Variants in GPHN observed in about 807,000 individuals in gnomAD.
GPHN encodes the protein gephyrin.
GPHN carries 17 observed loss-of-function variants against 95.5 expected under a neutral mutation model. That is an observed-to-expected ratio of 0.18 (90% CI 0.12 to 0.27). The LOEUF (loss-of-function observed/expected upper bound fraction) is 0.27. Among genes scored for constraint, GPHN ranks in the 10% least tolerant of loss-of-function variants. The probability of loss-of-function intolerance (pLI) is 1.00; values close to 1 mark genes in which losing one functional copy is unlikely to be tolerated. For synonymous variants in GPHN, 320 were observed against 322.5 expected, an observed-to-expected ratio of 0.99 and a Z score of 0.08; for missense variants, 660 against 978.1, an observed-to-expected ratio of 0.67 and a Z score of 4.34.
the GPHN span, chr14:67,690,402 A>T: frequency 9.3e-6 from 15 of 1,614,170 alleles, no homozygotes; most frequent in South Asian, 1.6e-4. Flanking sequence ...CTAGCAGCAG[A>T]TGGGTTAGGA....
Position 66,898,466 on chromosome 14 carries a change from T to TAAAAAAAAA in GPHN, c.390-17520_390-17512dup, listed in dbSNP as rs59434196. 5.2e-4 allele frequency among the ~76,000 whole-genome samples: 48 copies of TAAAAAAAAA among 91,746 alleles called. 3 individuals are homozygous for TAAAAAAAAA. The East Asian group carries it at 8.1e-3, about 16-fold the overall frequency. The allele number at this position is 91,746 out of a possible 152,430, so 60.2% of individuals were successfully genotyped here. A position where few individuals can be genotyped will look rare whatever the true frequency, so the allele number is the denominator to read the frequency against. On this transcript the variant is annotated intron_variant, in intron 5 of 22. Transcript: ENST00000478722. ...ACCACTTGCTCCAGTGCTACTTGTT[T>TAAAAAAAAA]AAAAAAAAAAAAAAAAAAAAAAAAA...
Position 66,880,014 on chromosome 14 carries a change from C to T in GPHN, c.370C>T (p.Pro124Ser). 1 of 1,604,666 alleles carries T rather than the reference C, an allele frequency of 6.2e-7. No individual in the cohort carries two copies. Among genetic ancestry groups the T allele is most frequent in the Non-Finnish European group, 8.5e-7 (1 of 1,171,900 alleles). Residue 124 changes from proline (P) to serine (S), a missense_variant, in exon 5 of 23, where the codon CCT (proline) becomes TCT (serine). Physicochemically the swap from Pro to Ser is moderately conservative, Grantham distance 74. Coordinates refer to ENST00000478722, the MANE Select transcript of GPHN (RefSeq NM_020806.5). ...GCTGATGGGATCACTTAATGTTACACCTCTGGGCATGCTCTCTAGGTAAGA... is the reference window on the plus strand; with the variant it reads ...GCTGATGGGATCACTTAATGTTACATCTCTGGGCATGCTCTCTAGGTAAGA... ...AMLMGSLNVT[P>S]LGMLSRPVCG...
chr14:67,529,205 C>G, the GPHN span, among the ~76,000 whole-genome samples: 324 of 152,268 alleles, frequency 2.1e-3, 1 homozygote, highest in African/African-American at 7.5e-3. Context: ...ACGAGGAACA[C>G]CTTCCCTCCC....
At chr14:67,296,918 G>A in the GPHN span, among the ~76,000 whole-genome samples, 2 of 152,086 alleles carry the variant, frequency 1.3e-5, no homozygotes, top group Non-Finnish European at 2.9e-5. Context: ...GCCTCCCAGA[G>A]TACTGGGATT....
At chr14:67,159,542 C>A in intron 19 of GPHN, 54 bp downstream of exon 19, 3 of 963,706 alleles carry the variant, frequency 3.1e-6, no homozygotes, top group Non-Finnish European at 5.1e-6. Flanking sequence ...CTTGCTTTAA[C>A]TAACAAATTT....
intron 1 of GPHN, among the ~76,000 whole-genome samples, chr14:66,676,892 T>G (rs899124408): frequency 6.6e-6 from 1 of 152,000 alleles, no homozygotes; most frequent in African/African-American, 2.4e-5. Flanking sequence ...GCAAAATAGA[T>G]GTTCTTCTTT....
At chr14:67,016,271 A>G (rs2073306214) in intron 9 of GPHN, among the ~76,000 whole-genome samples, 1 of 152,070 alleles carries the variant, frequency 6.6e-6, no homozygotes, top group South Asian at 2.1e-4. Flanking sequence ...TAAAATATAT[A>G]ACATTAGAAA....
the GPHN span, chr14:67,615,904 G>A: frequency 1.7e-6 from 1 of 583,294 alleles, no homozygotes; most frequent in Non-Finnish European, 3.2e-6. Context: ...CAGATGACAA[G>A]CAGCCTTAAA....
the GPHN span, among the ~76,000 whole-genome samples, chr14:67,206,972 C>T: frequency 6.6e-6 from 1 of 152,062 alleles, no homozygotes; most frequent in African/African-American, 2.4e-5. Flanking sequence ...TCAAGTGATC[C>T]ACCCACCTTG....
intron 5 of GPHN, among the ~76,000 whole-genome samples, chr14:66,886,683 T>C (rs767387091): frequency 2.0e-5 from 3 of 151,728 alleles, no homozygotes; most frequent in Non-Finnish European, 4.4e-5. Flanking sequence ...AATTAACAAA[T>C]CTGAGGAACA....
At chr14:67,076,537 G>C (rs1398137476) in intron 11 of GPHN, among the ~76,000 whole-genome samples, 1 of 152,022 alleles carries the variant, frequency 6.6e-6, no homozygotes, top group Non-Finnish European at 1.5e-5. Context: ...CTTAGCCTTA[G>C]TTAATATTGT....
intron 18 of GPHN, among the ~76,000 whole-genome samples, chr14:67,154,846 A>T (rs577420786): frequency 6.6e-6 from 1 of 152,180 alleles, no homozygotes; most frequent in Non-Finnish European, 1.5e-5. Flanking sequence ...AAACTATGTA[A>T]AATTTTTTAA....
intron 8 of GPHN, among the ~76,000 whole-genome samples, chr14:66,948,586 G>A (rs2067896613): frequency 6.6e-6 from 1 of 152,194 alleles, no homozygotes; most frequent in South Asian, 2.1e-4. Flanking sequence ...CAGCAAATAT[G>A]TTAAGCATGC....
At chr14:66,980,857 C>A (rs1238373592) in intron 9 of GPHN, among the ~76,000 whole-genome samples, 1 of 152,134 alleles carries the variant, frequency 6.6e-6, no homozygotes. Flanking sequence ...TTGAGACCAG[C>A]CTGACCAACA....
the GPHN span, chr14:67,387,287 C>T: frequency 1.9e-6 from 3 of 1,581,368 alleles, no homozygotes; most frequent in Non-Finnish European, 2.6e-6. Flanking sequence ...TTGTCTGTGT[C>T]ATCTGGTAGG....
chr14:66,920,195 G>A (rs971392545), intron 6 of GPHN, among the ~76,000 whole-genome samples: 18 of 152,314 alleles, frequency 1.2e-4, no homozygotes, highest in Middle Eastern at 3.4e-3. Context: ...AAGGGATGAA[G>A]GGCTCCTAGT....
At chr14:66,602,515 A>G (rs989389949) in intron 1 of GPHN, among the ~76,000 whole-genome samples, 9 of 152,022 alleles carry the variant, frequency 5.9e-5, no homozygotes, top group African/African-American at 1.9e-4. Flanking sequence ...GCTTTGACAC[A>G]TATAACTTGA....
the GPHN span, among the ~76,000 whole-genome samples, chr14:67,222,448 C>T: frequency 4.6e-5 from 7 of 152,202 alleles, no homozygotes; most frequent in South Asian, 6.2e-4. Flanking sequence ...TTTGCCACCA[C>T]GCCTAACTAA....
intron 1 of GPHN, among the ~76,000 whole-genome samples, chr14:66,510,425 G>A (rs1337367625): frequency 2.0e-5 from 3 of 152,182 alleles, no homozygotes; most frequent in Non-Finnish European, 2.9e-5. Context: ...ACTTACCTTT[G>A]TGAAGTGACA....
Sources: gnomAD v4.1 joint callset for allele counts (sites outside exome capture counted in the v4.1 genomes callset) on GRCh38, gnomAD v4.1.1 for gene constraint, MANE v1.5 for transcripts, NCBI Gene and HGNC (gene_info 2026-07-23, HGNC 2026-07-21) for gene names.